The following TSC22D3 variants were observed in gnomAD, a reference collection of about 807,000 sequenced individuals.
TSC22D3 encodes the protein TSC22 domain family member 3.
Under a neutral mutation model 11.1 loss-of-function variants are expected in TSC22D3, and 4 were observed. The ratio of observed to expected loss-of-function variants is 0.36; its 90% CI spans 0.18 to 0.83. The LOEUF is 0.83. TSC22D3 is among the 40% of genes least tolerant of loss of function. TSC22D3 has a pLI of 0.48. For missense variants in TSC22D3, 118 were observed against 159.4 expected (o/e 0.74, Z 1.40); for synonymous variants, 77 against 70.3 (o/e 1.10, Z -0.48).
chrX:107,761,434 GA>G (rs1201697601), intron 1 of TSC22D3, among the ~76,000 whole-genome samples: 1 of 112,849 alleles, frequency 8.9e-6, no homozygotes, highest in African/African-American at 3.2e-5. Flanking sequence ...AATATACCAG[GA>G]AAGCCTCCCA....
chrX:107,753,708 A>C (rs1057316541), intron 1 of TSC22D3, among the ~76,000 whole-genome samples: 1 of 111,661 alleles, frequency 9.0e-6, no homozygotes, highest in African/African-American at 3.3e-5. Flanking sequence ...AGTATGCTTG[A>C]AAATCAACTC....
chrX:107,733,490 C>T (rs1445268431), intron 1 of TSC22D3, among the ~76,000 whole-genome samples: 2 of 111,350 alleles, frequency 1.8e-5, no homozygotes, highest in Non-Finnish European at 3.8e-5. Context: ...CAAGGCTTGG[C>T]CCTTAGCTAC....
Position 107,775,159 on chromosome X carries a change from C to A in TSC22D3, c.261G>T (p.Glu87Asp). 8.3e-7 allele frequency: 1 copy of A among 1,212,100 alleles called. No homozygotes were observed. The highest frequency in any genetic ancestry group is 1.1e-6 in the Non-Finnish European group (1 of 895,600). The change falls in exon 1 of 3, where the codon GAG becomes GAT. Residue 87 changes from glutamate to aspartate, a missense_variant. Physicochemically the swap from Glu to Asp is conservative, Grantham distance 45. Transcript: ENST00000372383. ...GGTCGATGTTGCGGTTGCAGATGCC[C>A]TCGTTGATCAGGTAGCAGGGGTCCC... ...VLRDPCYLIN[E>D]GICNRNIDQT...
chrX:107,714,436 G>A lies in TSC22D3; in HGVS notation c.*83C>T. 5 of 893,173 alleles carry A rather than the reference G, an allele frequency of 5.6e-6. No homozygotes were observed. The highest frequency in any genetic ancestry group is 7.8e-6 in the Non-Finnish European group (5 of 642,734). 73.6% of individuals were successfully genotyped at this position (893,173 alleles called of 1,213,427 possible). On this transcript the variant is annotated 3_prime_UTR_variant, in exon 3 of 3. Coordinates refer to ENST00000372383, the MANE Select transcript of TSC22D3 (RefSeq NM_198057.3). The stretch of plus-strand genomic sequence containing the variant: ...AGGTGTAAAGTTCTCCTCGTGAGAT[G>A]ATGCTTGGGGAGCCAAAAACAAACT...
chrX:107,715,472 G>A (rs1170974010), intron 2 of TSC22D3, among the ~76,000 whole-genome samples: 3 of 112,423 alleles, frequency 2.7e-5, no homozygotes, highest in Non-Finnish European at 3.8e-5. Context: ...GGTAAGGAGA[G>A]GGACAGGGGT....
intron 1 of TSC22D3, among the ~76,000 whole-genome samples, chrX:107,755,378 G>T (rs1236010371): frequency 9.0e-6 from 1 of 111,496 alleles, no homozygotes; most frequent in African/African-American, 3.3e-5. Flanking sequence ...ACTGTTCAAG[G>T]GACTGGCCAA....
At chrX:107,727,996 G>A (rs1245302957) in intron 1 of TSC22D3, among the ~76,000 whole-genome samples, 4 of 111,738 alleles carry the variant, frequency 3.6e-5, no homozygotes, top group Non-Finnish European at 7.5e-5. Context: ...ACAGGACCAC[G>A]ACTGAAAATG....
At chrX:107,755,253 T>C (rs189104316) in intron 1 of TSC22D3, among the ~76,000 whole-genome samples, 1 of 112,933 alleles carries the variant, frequency 8.9e-6, no homozygotes, top group Non-Finnish European at 1.9e-5. Context: ...GGAGGAATAA[T>C]GTCAGAGAGC....
intron 1 of TSC22D3, among the ~76,000 whole-genome samples, chrX:107,767,598 C>T (rs997490969): frequency 3.6e-5 from 4 of 112,352 alleles, no homozygotes; most frequent in African/African-American, 6.5e-5. Context: ...TCTCACAGAT[C>T]GCATCTTAGC....
At position 107,714,548 on chromosome X, in the gene TSC22D3, G is replaced by A. The variant is rs750278054; in HGVS notation, c.574C>T (p.Pro192Ser). The A allele has an allele frequency of 5.8e-6, 7 of 1,209,800 alleles. No homozygotes were observed. The highest frequency in any genetic ancestry group is 4.4e-5 in the Admixed American group (2 of 45,852). ...EEPAPESPQVPEAPGGSAV is the reference protein window; with the variant it reads ...EEPAPESPQVSEAPGGSAV Reference sequence around the variant, plus strand: ...ACCGCAGAACCACCAGGGGCCTCGGGCACTTGTGGGGATTCGGGAGCTGGC... The same window carrying A: ...ACCGCAGAACCACCAGGGGCCTCGGACACTTGTGGGGATTCGGGAGCTGGC... The change falls in exon 3 of 3, where the codon CCC becomes TCC. Residue 192 changes from proline to serine, a missense_variant. Transcript: ENST00000372383.
intron 1 of TSC22D3, among the ~76,000 whole-genome samples, chrX:107,724,523 G>GC (rs1429131269): frequency 1.8e-5 from 2 of 113,340 alleles, no homozygotes; most frequent in East Asian, 2.8e-4. Flanking sequence ...TGGGGCATCC[G>GC]CCCCCCTTCC....
chrX:107,774,775 A>G (rs1317756631), intron 1 of TSC22D3: 4 of 301,554 alleles, frequency 1.3e-5, no homozygotes, highest in Non-Finnish European at 2.3e-5. Context: ...CAGAATCTCC[A>G]AAGGGGCTAT....
chrX:107,729,195 G>C (rs1297826308), intron 1 of TSC22D3, among the ~76,000 whole-genome samples: 1 of 111,985 alleles, frequency 8.9e-6, no homozygotes, highest in Non-Finnish European at 1.9e-5. Context: ...GACCCCGTTT[G>C]CTTGCTCATC....
chrX:107,717,633 T>A (rs1029330121), intron 1 of TSC22D3, among the ~76,000 whole-genome samples: 1 of 112,414 alleles, frequency 8.9e-6, no homozygotes, highest in Non-Finnish European at 1.9e-5. Flanking sequence ...GGTGTGGGAG[T>A]ACTTGTCTGT....
At chrX:107,760,300 A>G (rs1174845577) in intron 1 of TSC22D3, among the ~76,000 whole-genome samples, 1 of 112,711 alleles carries the variant, frequency 8.9e-6, no homozygotes, top group Non-Finnish European at 1.9e-5. Flanking sequence ...ATTTAAAAAA[A>G]TCACCATTTT....
intron 1 of TSC22D3, among the ~76,000 whole-genome samples, chrX:107,724,863 A>T (rs1292061357): frequency 8.9e-6 from 1 of 112,722 alleles, no homozygotes; most frequent in East Asian, 2.8e-4. Context: ...ATGAAGGAGA[A>T]ATAAAAACAA....
chrX:107,774,031 TACAA>T (rs1930022739), intron 1 of TSC22D3, among the ~76,000 whole-genome samples: 1 of 111,851 alleles, frequency 8.9e-6, no homozygotes, highest in African/African-American at 3.3e-5. Context: ...CTCAGGCTCA[TACAA>T]ACAGGTGAAG....
At position 107,732,041 on chromosome X, in the gene TSC22D3, G is replaced by A. The variant is rs181790441; in HGVS notation, c.321-16091C>T. ...GTCGCATGGTGACTCAAGGTCAGGA[G>A]CTGGAATGGGGCCCAGAGCTCTCAA... On this transcript the variant is annotated intron_variant, in intron 1 of 2. Transcript: ENST00000372383. Among the ~76,000 whole-genome samples, 6 of 111,703 alleles carry A rather than the reference G, an allele frequency of 5.4e-5. No individual in the cohort carries two copies. The East Asian group carries it at 1.7e-3, about 32-fold the overall frequency.
At chrX:107,738,350 C>T (rs1374129967) in intron 1 of TSC22D3, among the ~76,000 whole-genome samples, 1 of 112,945 alleles carries the variant, frequency 8.9e-6, no homozygotes, top group Non-Finnish European at 1.9e-5. Context: ...TGCAGCTCAT[C>T]TTCTCCTAGG....
Sources: allele counts gnomAD v4.1 joint callset (sites outside exome capture counted in the v4.1 genomes callset), GRCh38; gene constraint gnomAD v4.1.1; transcripts MANE v1.5; gene names NCBI Gene and HGNC (gene_info 2026-07-23, HGNC 2026-07-21).